The following RIMS2 variants were observed in gnomAD, a reference collection of about 807,000 sequenced individuals.
RIMS2 encodes regulating synaptic membrane exocytosis protein 2.
A neutral mutation model predicts 174.4 loss-of-function variants in RIMS2; 59 were observed. That is an observed-to-expected ratio of 0.34 (90% CI 0.27 to 0.42). The LOEUF is 0.42. RIMS2 is among the 10% of genes least tolerant of loss of function. RIMS2 has a pLI of 1.00. For synonymous variants in RIMS2, 606 were observed against 572.5 expected (o/e 1.06, Z -0.84); for missense variants, 1,620 against 1,666.3 (o/e 0.97, Z 0.48).
chr8:103,964,131 A>G (rs1247272116), intron 15 of RIMS2, among the ~76,000 whole-genome samples: 1 of 152,232 alleles, frequency 6.6e-6, no homozygotes, highest in Non-Finnish European at 1.5e-5. Flanking sequence ...GCTGCTATAA[A>G]CATCTGTGTG....
chr8:103,565,362 C>T (rs752117441), intron 1 of RIMS2, among the ~76,000 whole-genome samples: 5 of 151,724 alleles, frequency 3.3e-5, no homozygotes, highest in Non-Finnish European at 7.4e-5. Flanking sequence ...TGGAGTGCAG[C>T]GGTGCCATCT....
At chr8:103,900,326 C>G (rs936207449) in intron 4 of RIMS2, among the ~76,000 whole-genome samples, 2 of 151,560 alleles carry the variant, frequency 1.3e-5, no homozygotes, top group Non-Finnish European at 2.9e-5. Flanking sequence ...TGGGTTCAAG[C>G]GATTCTCCTG....
intron 14 of RIMS2, among the ~76,000 whole-genome samples, chr8:103,949,486 A>G (rs2084787900): frequency 6.6e-6 from 1 of 152,222 alleles, no homozygotes; most frequent in Non-Finnish European, 1.5e-5. Context: ...CAATAACAGA[A>G]AATCTCTGGA....
chr8:104,051,822 C>T (rs1182816986), intron 19 of RIMS2, among the ~76,000 whole-genome samples: 2 of 152,136 alleles, frequency 1.3e-5, no homozygotes. Context: ...AGTCCTAGCA[C>T]ATATAGTTGT....
chr8:103,546,848 C>A (rs1587367477), intron 1 of RIMS2, among the ~76,000 whole-genome samples: 1 of 152,218 alleles, frequency 6.6e-6, no homozygotes, highest in Non-Finnish European at 1.5e-5. Context: ...ATCCCTGCTG[C>A]TTTCTGACCA....
chr8:103,930,450 G>A (rs900181922), intron 11 of RIMS2, among the ~76,000 whole-genome samples: 4 of 152,058 alleles, frequency 2.6e-5, no homozygotes, highest in East Asian at 3.9e-4. Context: ...GATCAGAGCC[G>A]TAATTATCAT....
rs139654759 is a variant in RIMS2 at position 103,623,346 on chromosome 8, T to C, written c.177-73740T>C. Among the ~76,000 whole-genome samples the C allele has an allele frequency of 1.1e-3, 160 of 152,264 alleles. 2 individuals are homozygous for C. In the East Asian group the frequency reaches 0.026, roughly 25 times the overall value. On this transcript the variant is annotated intron_variant, in intron 1 of 23. Coordinates refer to ENST00000504942, the Ensembl canonical transcript of RIMS2. ...GTACAGAACACATTTTATTTCTATA[T>C]AAAATTTTTTATATGTTTGAAATAT...
At chr8:103,750,079 T>A (rs906819851) in intron 2 of RIMS2, among the ~76,000 whole-genome samples, 2 of 152,116 alleles carry the variant, frequency 1.3e-5, no homozygotes, top group Non-Finnish European at 2.9e-5. Flanking sequence ...TTTCTGCAGT[T>A]ATTAAGTTTT....
chr8:103,616,064 T>TA (rs1039560261), intron 1 of RIMS2, among the ~76,000 whole-genome samples: 6 of 151,544 alleles, frequency 4.0e-5, no homozygotes, highest in Non-Finnish European at 7.4e-5. Flanking sequence ...AGAGACATGA[T>TA]AAAAAAAAGA....
At chr8:104,245,151 C>T (rs2099323934) in intron 20 of RIMS2, 94 bp downstream of exon 26, 1 of 1,246,328 alleles carries the variant, frequency 8.0e-7, no homozygotes, top group Admixed American at 2.3e-5. Context: ...TCATGCTCTT[C>T]AGAACCACTT....
intron 1 of RIMS2, among the ~76,000 whole-genome samples, chr8:103,526,656 C>A (rs75775215): frequency 0.064 from 9,733 of 152,048 alleles, 394 homozygotes; most frequent in South Asian, 0.088. Context: ...AAATTAAGAA[C>A]CCATTGAATG....
chr8:103,965,378 C>T (rs1439952714), intron 15 of RIMS2, among the ~76,000 whole-genome samples: 1 of 151,868 alleles, frequency 6.6e-6, no homozygotes, highest in Non-Finnish European at 1.5e-5. Flanking sequence ...TTAGATTATA[C>T]CTAAGTATTT....
intron 14 of RIMS2, among the ~76,000 whole-genome samples, chr8:103,945,510 C>T (rs1472582187): frequency 6.6e-6 from 1 of 151,964 alleles, no homozygotes; most frequent in Non-Finnish European, 1.5e-5. Context: ...GACCAATATT[C>T]CTCATGAACA....
chr8:104,178,774 T>C, intron 19 of RIMS2, among the ~76,000 whole-genome samples: 1 of 151,564 alleles, frequency 6.6e-6, no homozygotes, highest in Non-Finnish European at 1.5e-5. Flanking sequence ...CTACTACGCT[T>C]CAGGGAATTA....
At chr8:103,532,643 G>A (rs1296588122) in intron 1 of RIMS2, among the ~76,000 whole-genome samples, 1 of 152,206 alleles carries the variant, frequency 6.6e-6, no homozygotes, top group Admixed American at 6.5e-5. Flanking sequence ...GCAGAATTGA[G>A]TTGTTGAGAC....
rs776103118 is a variant in RIMS2 at position 103,915,483 on chromosome 8, T to G, written c.1813-12T>G. On this transcript the variant is annotated splice_polypyrimidine_tract_variant and intron_variant, in intron 6 of 23. Coordinates refer to ENST00000504942, the Ensembl canonical transcript of RIMS2. The stretch of plus-strand genomic sequence containing the variant: ...CAATATTCCCATGTTAATACTTTCC[T>G]CTTTTAAACAGGTTGTAGGAGGAAA... 4.0e-5 allele frequency: 60 copies of G among 1,518,338 alleles called. No individual in the cohort carries two copies. The highest frequency in any genetic ancestry group is 4.9e-5 in the Non-Finnish European group (54 of 1,103,094). 94.1% of individuals were successfully genotyped at this position (1,518,338 alleles called of 1,614,324 possible).
In RIMS2 at chr8:103,652,623, G is replaced by A; in HGVS notation, c.177-44463G>A. 7.5e-7 allele frequency: 1 copy of A among 1,341,566 alleles called. No individual in the cohort carries two copies. Among genetic ancestry groups the A allele is most frequent in the Non-Finnish European group, 9.9e-7 (1 of 1,013,656 alleles). 83.1% of individuals were successfully genotyped at this position (1,341,566 alleles called of 1,614,324 possible). On this transcript the variant is annotated intron_variant, in intron 1 of 23. Transcript: ENST00000504942. Reference sequence around the variant, plus strand: ...GTCACATTATTTGCTTATTTAAACAGGTGGTTTCCCTTTAGTGGAATCACT... The same window carrying A: ...GTCACATTATTTGCTTATTTAAACAAGTGGTTTCCCTTTAGTGGAATCACT...
intron 19 of RIMS2, among the ~76,000 whole-genome samples, chr8:104,062,931 T>C (rs543866403): frequency 6.6e-6 from 1 of 152,212 alleles, no homozygotes; most frequent in Admixed American, 6.5e-5. Flanking sequence ...TTTTAAAATA[T>C]GTCTCTTTTA....
At chr8:103,949,066 G>A (rs1199476990) in intron 14 of RIMS2, among the ~76,000 whole-genome samples, 1 of 142,766 alleles carries the variant, frequency 7.0e-6, no homozygotes, top group Non-Finnish European at 1.5e-5. Flanking sequence ...GGTCGAGGCT[G>A]CAGTGAGCCA....
Sources: gnomAD v4.1 joint callset for allele counts (sites outside exome capture counted in the v4.1 genomes callset) on GRCh38, gnomAD v4.1.1 for gene constraint, MANE v1.5 for transcripts, NCBI Gene and HGNC (gene_info 2026-07-23, HGNC 2026-07-21) for gene names.